Variants in CD22 observed in about 807,000 individuals in gnomAD.
CD22 encodes the protein CD22 molecule.
In CD22, 51 loss-of-function variants were observed where a neutral mutation model predicts 94.7. That is an observed-to-expected ratio of 0.54 (90% CI 0.43 to 0.68). The LOEUF is 0.68. Ranked by LOEUF, CD22 falls within the 30% of genes least tolerant of loss-of-function variation. The pLI is 0.00. For missense variants in CD22, 931 were observed against 1,060.4 expected, an observed-to-expected ratio of 0.88 and a Z score of 1.69; for synonymous variants, 424 against 422.5, an observed-to-expected ratio of 1.00 and a Z score of -0.04.
Position 35,341,390 on chromosome 19 carries a change from A to G in CD22, c.1555A>G (p.Ile519Val), listed in dbSNP as rs539945082. The G allele has an allele frequency of 1.2e-6, 2 of 1,613,602 alleles. No individual in the cohort carries two copies. Among genetic ancestry groups the G allele is most frequent in the South Asian group, 1.1e-5 (1 of 91,056 alleles). The change falls in exon 8 of 14, where the codon ATT becomes GTT. Residue 519 changes from isoleucine (I) to valine (V), a missense_variant. Transcript: ENST00000085219. This position sits in a 1 kb window ranked among gnomAD's most constrained non-coding sequence, Gnocchi z 4.0. ...CCGGAAAATCAAGCCCCTTTCCGAGATTCACTCTGGAAACTCGGTCAGCCT... is the reference window on the plus strand; with the variant it reads ...CCGGAAAATCAAGCCCCTTTCCGAGGTTCACTCTGGAAACTCGGTCAGCCT... ...RVRKIKPLSEIHSGNSVSLQC... is the reference protein window; with the variant it reads ...RVRKIKPLSEVHSGNSVSLQC...
Position 35,345,716 on chromosome 19 carries a change from A to G in CD22, c.2323A>G (p.Thr775Ala), listed in dbSNP as rs752332513. 1.4e-5 allele frequency: 22 copies of G among 1,598,864 alleles called. No individual in the cohort carries two copies. The East Asian group carries it at 4.7e-4, about 34-fold the overall frequency. ...CTTTCCCGAGATGAACATACCACGA[A>G]CTGGGTACTGAGGGTACCAGGAGGG... ...LRFPEMNIPR[T>A]GDAESSEMQR... is the part of the protein sequence containing the mutation. The change falls in exon 12 of 14, where the codon ACT becomes GCT. Residue 775 changes from threonine (T) to alanine (A), a missense_variant. Transcript: ENST00000085219.
chr19:35,330,065 C>T (rs961670799), intron 1 of CD22: 1 of 152,222 alleles, frequency 6.6e-6, no homozygotes, highest in African/African-American at 2.4e-5. Context: ...TGGCTCACGC[C>T]TGTCATCTCA....
chr19:35,335,999 T>C (rs1452445535), intron 3 of CD22, 37 bp from the exon 4 acceptor site: 2 of 1,578,770 alleles, frequency 1.3e-6, no homozygotes, highest in African/African-American at 2.7e-5. Context: ...ACGTCCTCAG[T>C]CCCCCAGGCT....
At chr19:35,329,357 G>T (rs913085505) in intron 1 of CD22, 127 bp downstream of exon 1, 36 of 510,488 alleles carry the variant, frequency 7.1e-5, no homozygotes, top group Non-Finnish European at 1.1e-4. Context: ...TCTTACCGGT[G>T]TTACAACAGG....
intron 6 of CD22, 57 bp from the exon 7 acceptor site, chr19:35,340,824 G>T: frequency 6.2e-7 from 1 of 1,603,150 alleles, no homozygotes; most frequent in Non-Finnish European, 8.5e-7. Flanking sequence ...AAGCAGGAGG[G>T]AAGGGGTACT....
chr19:35,336,048 C>T lies in CD22; in HGVS notation c.425C>T (p.Pro142Leu). ...IHLNVSERPF[P>L]PHIQLPPEIQ... ...TGTTCTTTTGCAGAAAGGCCTTTTC[C>T]ACCTCATATCCAGCTCCCTCCAGAA... Residue 142 changes from proline to leucine, a missense_variant, in exon 4 of 14, where the codon CCA becomes CTA. Physicochemically the swap from Pro to Leu is moderately conservative, Grantham distance 98. Transcript: ENST00000085219. The T allele has an allele frequency of 6.2e-7, 1 of 1,613,082 alleles. No homozygotes were observed. The highest frequency in any genetic ancestry group is 8.5e-7 in the Non-Finnish European group (1 of 1,179,350).
intron 6 of CD22, 66 bp from the exon 7 acceptor site, chr19:35,340,815 A>T: frequency 6.3e-7 from 1 of 1,580,634 alleles, no homozygotes; most frequent in Non-Finnish European, 8.7e-7. Context: ...GAGAAGAGGA[A>T]GCAGGAGGGA....
At position 35,337,830 on chromosome 19, in the gene CD22, G is replaced by T; in HGVS notation, c.794G>T (p.Cys265Phe). ...VREGDSVTMTCEVSSSNPEYT... is the reference protein window; with the variant it reads ...VREGDSVTMTFEVSSSNPEYT... The stretch of plus-strand genomic sequence containing the variant: ...GAGGGGGACTCTGTGACCATGACCT[G>T]CGAGGTCAGCAGCAGCAACCCGGAG... Residue 265 changes from cysteine (C) to phenylalanine (F), a missense_variant, in exon 5 of 14, where the codon TGC (cysteine) becomes TTC (phenylalanine). Coordinates refer to ENST00000085219, the MANE Select transcript of CD22 (RefSeq NM_001771.4). The surrounding 1 kb of genome is among the most constrained non-coding windows in gnomAD (Gnocchi z 4.4). 4 of 1,613,874 alleles carry T rather than the reference G, an allele frequency of 2.5e-6. No homozygotes were observed. The highest frequency in any genetic ancestry group is 3.4e-6 in the Non-Finnish European group (4 of 1,179,802).
chr19:35,338,639 T>G (rs567261153), intron 6 of CD22, among the ~76,000 whole-genome samples: 74 of 151,598 alleles, frequency 4.9e-4, no homozygotes, highest in Non-Finnish European at 9.9e-4. Context: ...TGTGTTTTAG[T>G]TTTTTTTGAG....
chr19:35,341,294 CA>C lies in CD22; in HGVS notation c.1508-45del. 6.2e-7 allele frequency: 1 copy of C among 1,601,384 alleles called. No homozygotes were observed. The highest frequency in any genetic ancestry group is 8.5e-7 in the Non-Finnish European group (1 of 1,172,168). On this transcript the variant is annotated intron_variant, in intron 7 of 13. Coordinates refer to ENST00000085219, the MANE Select transcript of CD22 (RefSeq NM_001771.4). The surrounding 1 kb of genome is among the most constrained non-coding windows in gnomAD (Gnocchi z 4.0). ...AAGGGGAGGGGAGGCCTGGGGACAGCAAAAGGGACAGGGAGCGGAGAGGTCA... is the reference window on the plus strand; with the variant it reads ...AAGGGGAGGGGAGGCCTGGGGACAGCAAAGGGACAGGGAGCGGAGAGGTCA...
At chr19:35,343,011 C>T (rs986861281) in intron 9 of CD22, among the ~76,000 whole-genome samples, 3 of 152,076 alleles carry the variant, frequency 2.0e-5, no homozygotes, top group East Asian at 1.9e-4. Flanking sequence ...GTGGTTTCAC[C>T]GTGGTCTCAG....
chr19:35,345,285 AT>A (rs2066886550), intron 11 of CD22, 159 bp downstream of exon 11: 1 of 647,718 alleles, frequency 1.5e-6, no homozygotes, highest in Non-Finnish European at 2.7e-6. Flanking sequence ...GCCGGGCGTG[AT>A]GGTCCATGCC....
Position 35,337,746 on chromosome 19 carries a change from C to T in CD22, c.719-9C>T, listed in dbSNP as rs1359038715. 1.3e-6 allele frequency: 2 copies of T among 1,585,336 alleles called. No homozygotes were observed. Among genetic ancestry groups the T allele is most frequent in the Non-Finnish European group, 1.7e-6 (2 of 1,159,300 alleles). On this transcript the variant is annotated splice_polypyrimidine_tract_variant and intron_variant, in intron 4 of 13. Transcript: ENST00000085219. This position sits in a 1 kb window ranked among gnomAD's most constrained non-coding sequence, Gnocchi z 4.4. ...CGCCCCCTCCCCGACTGCCCCTCTG[C>T]TCCTCCAGACACCCCGAAGTTGGAG...
In CD22 at chr19:35,341,472, A is replaced by T. The variant is rs758564339; in HGVS notation, c.1637A>T (p.Asn546Ile). The change falls in exon 8 of 14, where the codon AAT becomes ATT. Residue 546 changes from asparagine to isoleucine, a missense_variant. By Grantham distance (149) the Asn-to-Ile change is moderately radical. Coordinates refer to ENST00000085219, the MANE Select transcript of CD22 (RefSeq NM_001771.4). This position sits in a 1 kb window ranked among gnomAD's most constrained non-coding sequence, Gnocchi z 4.0. ...GAAGTCCAGTTCTTCTGGGAGAAAAATGGCAGGCTTCTGGGGAAAGAAAGC... is the reference window on the plus strand; with the variant it reads ...GAAGTCCAGTTCTTCTGGGAGAAAATTGGCAGGCTTCTGGGGAAAGAAAGC... Reference protein sequence around the residue: ...PKEVQFFWEKNGRLLGKESQL... With the variant: ...PKEVQFFWEKIGRLLGKESQL... The T allele has an allele frequency of 1.2e-6, 2 of 1,614,128 alleles. No individual in the cohort carries two copies. The highest frequency in any genetic ancestry group is 2.2e-5 in the South Asian group (2 of 91,080).
At position 35,346,156 on chromosome 19, in the gene CD22, C is replaced by G. The variant is rs779942079; in HGVS notation, c.2333C>G (p.Ala778Gly). Reference sequence around the variant, plus strand: ...CTATCTGCCCTGTCTCTCAGAGATGCAGAGTCCTCAGAGATGCAGAGACCT... The same window carrying G: ...CTATCTGCCCTGTCTCTCAGAGATGGAGAGTCCTCAGAGATGCAGAGACCT... ...PEMNIPRTGD[A>G]ESSEMQRPPP... Residue 778 changes from alanine to glycine, a missense_variant, in exon 13 of 14, where the codon GCA (alanine) becomes GGA (glycine). Coordinates refer to ENST00000085219, the MANE Select transcript of CD22 (RefSeq NM_001771.4). The G allele has an allele frequency of 1.2e-6, 2 of 1,611,932 alleles. No homozygotes were observed. Among genetic ancestry groups the G allele is most frequent in the Non-Finnish European group, 8.5e-7 (1 of 1,178,120 alleles).
chr19:35,347,040 C>T lies in CD22; in HGVS notation c.*343C>T, dbSNP rs1225102505. 4.5e-6 allele frequency: 1 copy of T among 222,896 alleles called. No individual in the cohort carries two copies. 13.8% of individuals were successfully genotyped at this position (222,896 alleles called of 1,614,324 possible). On this transcript the variant is annotated 3_prime_UTR_variant, in exon 14 of 14. Transcript: ENST00000085219. Reference sequence around the variant, plus strand: ...CCACCCCCAGCTGCTTGTGTCCCTCCTGGGATCTGCTCGTCATCATTTTTC... The same window carrying T: ...CCACCCCCAGCTGCTTGTGTCCCTCTTGGGATCTGCTCGTCATCATTTTTC...
Position 35,338,255 on chromosome 19 carries a change from A to G in CD22, c.1073A>G (p.Asn358Ser), listed in dbSNP as rs370479192. The G allele has an allele frequency of 9.8e-5, 158 of 1,614,116 alleles. No homozygotes were observed. The highest frequency in any genetic ancestry group is 1.3e-4 in the Non-Finnish European group (153 of 1,180,044). ...GAGTTTCTTTGCATGTCACTGGCCA[A>G]TCCTCTTCCAACAAATTACACGTGG... ...QVEFLCMSLA[N>S]PLPTNYTWYH... The change falls in exon 6 of 14, where the codon AAT (asparagine) becomes AGT (serine). Residue 358 changes from asparagine to serine, a missense_variant. By Grantham distance (46) the Asn-to-Ser change is conservative (BLOSUM62 1). Transcript: ENST00000085219.
At chr19:35,335,241 A>G (rs1321974252) in intron 3 of CD22, among the ~76,000 whole-genome samples, 3 of 152,088 alleles carry the variant, frequency 2.0e-5, no homozygotes, top group Non-Finnish European at 4.4e-5. Flanking sequence ...TCGGGTGAGC[A>G]AAAGTGATTC....
rs1470205756 is a variant in CD22 at position 35,346,990 on chromosome 19, C to T, written c.*293C>T. 2 of 299,318 alleles carry T rather than the reference C, an allele frequency of 6.7e-6. No individual in the cohort carries two copies. Among genetic ancestry groups the T allele is most frequent in the Non-Finnish European group, 1.3e-5 (2 of 159,076 alleles). 18.5% of individuals were successfully genotyped at this position (299,318 alleles called of 1,614,324 possible). The stretch of plus-strand genomic sequence containing the variant: ...GCCCTGACATGCACACCTCCCCCTG[C>T]CCCCACCACGGCCACTGGCCATCTC... On this transcript the variant is annotated 3_prime_UTR_variant, in exon 14 of 14. Coordinates refer to ENST00000085219, the MANE Select transcript of CD22 (RefSeq NM_001771.4).
Sources: gnomAD v4.1 joint callset for allele counts (sites outside exome capture counted in the v4.1 genomes callset) on GRCh38, gnomAD v4.1.1 for gene constraint, Gnocchi (gnomAD v3.1) non-coding constraint, MANE v1.5 for transcripts, NCBI Gene and HGNC (gene_info 2026-07-23, HGNC 2026-07-21) for gene names.